The following DNAJC18 variants were observed in gnomAD, a reference collection of about 807,000 sequenced individuals.
DNAJC18 encodes DnaJ heat shock protein family (Hsp40) member C18.
In DNAJC18, 40 loss-of-function variants were observed where a neutral mutation model predicts 48.6. The ratio of observed to expected loss-of-function variants is 0.82; its 90% CI spans 0.64 to 1.07. The LOEUF (loss-of-function observed/expected upper bound fraction) is 1.07. Among genes scored for constraint, DNAJC18 ranks in the 50% least tolerant of loss-of-function variants. The pLI, the probability that DNAJC18 is intolerant of heterozygous loss-of-function variation, is 0.00. For missense variants in DNAJC18, 340 were observed against 427.7 expected (o/e 0.79, Z 1.81); for synonymous variants, 135 against 152.2 (o/e 0.89, Z 0.83).
chr5:139,438,765 G>A (rs1750733644), intron 1 of DNAJC18, among the ~76,000 whole-genome samples: 1 of 152,176 alleles, frequency 6.6e-6, no homozygotes, highest in Non-Finnish European at 1.5e-5. Context: ...TAGGTACCTT[G>A]TAAGTGTGCT....
intron 5 of DNAJC18, 87 bp downstream of exon 5, chr5:139,424,918 T>C (rs1759211576): frequency 9.0e-7 from 1 of 1,116,508 alleles, no homozygotes. Flanking sequence ...ATATCTCAGG[T>C]TCAACTTCTA....
In DNAJC18 at chr5:139,412,670, C is replaced by T. The variant is rs1759011018; in HGVS notation, c.*1478G>A. On this transcript the variant is annotated 3_prime_UTR_variant, in exon 8 of 8. Coordinates refer to ENST00000302060, the MANE Select transcript of DNAJC18 (RefSeq NM_152686.4). ...AGTCATGATAATTCAGGCAGCTCAG[C>T]TCCACAGGAAGGCCCAGAACCACAC... is the stretch of plus-strand genomic sequence containing the variant. 2 of 398,696 alleles carry T rather than the reference C, an allele frequency of 5.0e-6. No homozygotes were observed. Among genetic ancestry groups the T allele is most frequent in the Non-Finnish European group, 8.8e-6 (2 of 226,134 alleles). 24.7% of individuals were successfully genotyped at this position (398,696 alleles called of 1,614,324 possible). A position where few individuals can be genotyped will look rare whatever the true frequency, so the allele number is the denominator to read the frequency against.
In DNAJC18 at chr5:139,414,162, G is replaced by T. The variant is rs369684305; in HGVS notation, c.1063C>A (p.Arg355Ser). 2.5e-6 allele frequency: 4 copies of T among 1,612,522 alleles called. No homozygotes were observed. In the Admixed American group the frequency reaches 6.7e-5, roughly 27 times the overall value. Residue 355 changes from arginine to serine, a missense_variant, in exon 8 of 8, where the codon CGC becomes AGC. Arg to Ser is a moderately radical substitution (Grantham distance 110, BLOSUM62 -1). Transcript: ENST00000302060. ...CCATTATCCTCTCAGCCACCTCTGC[G>T]TAGGCCAATGAGTTTGGAAAGTTTC... Reference protein sequence around the residue: ...CEKLSKLIGLRRGG With the variant: ...CEKLSKLIGLSRGG
At chr5:139,419,966 CAAG>C in intron 7 of DNAJC18, 84 bp downstream of exon 7, 1 of 1,330,092 alleles carries the variant, frequency 7.5e-7, no homozygotes, top group Non-Finnish European at 1.0e-6. Context: ...TAGCCTCAAA[CAAG>C]AAGAGAGGAG....
chr5:139,417,138 C>T (rs1039231174), intron 7 of DNAJC18, among the ~76,000 whole-genome samples: 3 of 148,594 alleles, frequency 2.0e-5, no homozygotes, highest in South Asian at 2.1e-4. Flanking sequence ...TGCAGTGCGC[C>T]GAGATTGCAT....
chr5:139,439,468 C>G lies in DNAJC18; in HGVS notation c.-23G>C. 1.2e-6 allele frequency: 2 copies of G among 1,613,860 alleles called. No homozygotes were observed. The highest frequency in any genetic ancestry group is 8.5e-7 in the Non-Finnish European group (1 of 1,179,940). On this transcript the variant is annotated 5_prime_UTR_variant, in exon 1 of 8. Coordinates refer to ENST00000302060, the MANE Select transcript of DNAJC18 (RefSeq NM_152686.4). This position sits in a 1 kb window ranked among gnomAD's most constrained non-coding sequence, Gnocchi z 4.1. ...CATATCGGTTCCCAATCAGCAGGTC[C>G]GCCGAGCCTCCCCCGTGCCCGAGGC...
chr5:139,416,910 C>T (rs1759076628), intron 7 of DNAJC18, among the ~76,000 whole-genome samples: 1 of 152,170 alleles, frequency 6.6e-6, no homozygotes, highest in Admixed American at 6.5e-5. Context: ...CCAGATTGGC[C>T]GGGTGTGGTG....
chr5:139,433,169 G>T (rs1759356018), intron 2 of DNAJC18, among the ~76,000 whole-genome samples: 2 of 152,160 alleles, frequency 1.3e-5, no homozygotes, highest in African/African-American at 4.8e-5. Flanking sequence ...AGATGAAAAG[G>T]TATTTTGCAA....
At chr5:139,428,789 C>T in intron 2 of DNAJC18, 106 bp from the exon 3 acceptor site, 3 of 1,370,130 alleles carry the variant, frequency 2.2e-6, no homozygotes, top group Non-Finnish European at 2.9e-6. Context: ...CAAAACAAAC[C>T]TATAAGAAAA....
chr5:139,437,774 G>C (rs1054571363), intron 1 of DNAJC18, among the ~76,000 whole-genome samples: 9 of 152,174 alleles, frequency 5.9e-5, no homozygotes, highest in Admixed American at 6.5e-5. Flanking sequence ...TCGTAAAATA[G>C]TATTTTTTGT....
In DNAJC18 at chr5:139,426,367, AC is replaced by A. The variant is rs778177546; in HGVS notation, c.374-11del. The A allele has an allele frequency of 3.7e-6, 6 of 1,613,490 alleles. No individual in the cohort carries two copies. The East Asian group carries it at 1.3e-4, about 36-fold the overall frequency. On this transcript the variant is annotated splice_polypyrimidine_tract_variant and intron_variant, in intron 3 of 7. Coordinates refer to ENST00000302060, the MANE Select transcript of DNAJC18 (RefSeq NM_152686.4). ...AATGCATTTCCTATTGCTGCAACCA[AC>A]AAGAACCAGCACATGAGGACACAGT... is the stretch of plus-strand genomic sequence containing the variant.
At chr5:139,432,418 C>T (rs1759344016) in intron 2 of DNAJC18, among the ~76,000 whole-genome samples, 1 of 152,244 alleles carries the variant, frequency 6.6e-6, no homozygotes, top group South Asian at 2.1e-4. Flanking sequence ...CTGCCTTGGC[C>T]TCCCAAAGTG....
chr5:139,412,375 C>G lies in DNAJC18; in HGVS notation c.*1773G>C, dbSNP rs1759007477. 4.9e-6 allele frequency: 1 copy of G among 202,088 alleles called. No homozygotes were observed. The highest frequency in any genetic ancestry group is 1.9e-4 in the South Asian group (1 of 5,264). 12.5% of individuals were successfully genotyped at this position (202,088 alleles called of 1,614,324 possible). A position where few individuals can be genotyped will look rare whatever the true frequency, so the allele number is the denominator to read the frequency against. ...TTGCAAGTTGCAGCGATTCTCATGC[C>G]TCAGCCTCCCGAGTAGCTGGGACTA... On this transcript the variant is annotated 3_prime_UTR_variant, in exon 8 of 8. Coordinates refer to ENST00000302060, the MANE Select transcript of DNAJC18 (RefSeq NM_152686.4).
Position 139,422,736 on chromosome 5 carries a change from T to G in DNAJC18, c.751A>C (p.Asn251His). ...TTATAGAACAGACTATATGGGGGAT[T>G]AGTAGCCAGCAGCTGAGTAATGACA... ...ISVITQLLAT[N>H]PPYSLFYKST... is the part of the protein sequence containing the mutation. The change falls in exon 6 of 8, where the codon AAT (asparagine) becomes CAT (histidine). Residue 251 changes from asparagine (N) to histidine (H), a missense_variant. By Grantham distance (68) the Asn-to-His change is moderately conservative. Coordinates refer to ENST00000302060, the MANE Select transcript of DNAJC18 (RefSeq NM_152686.4). 6.2e-7 allele frequency: 1 copy of G among 1,609,866 alleles called. No homozygotes were observed. The highest frequency in any genetic ancestry group is 8.5e-7 in the Non-Finnish European group (1 of 1,178,442).
chr5:139,424,476 C>T (rs1215266444), intron 5 of DNAJC18, among the ~76,000 whole-genome samples: 1 of 152,022 alleles, frequency 6.6e-6, no homozygotes, highest in Non-Finnish European at 1.5e-5. Flanking sequence ...GCCTGTAATC[C>T]TAGCACTTTG....
intron 4 of DNAJC18, among the ~76,000 whole-genome samples, chr5:139,425,471 G>A (rs1011698121): frequency 4.6e-5 from 7 of 152,166 alleles, no homozygotes; most frequent in Admixed American, 2.6e-4. Flanking sequence ...ACCCTTCCTT[G>A]CCTTTTTCAA....
At chr5:139,418,535 A>G (rs1759103648) in intron 7 of DNAJC18, among the ~76,000 whole-genome samples, 2 of 152,162 alleles carry the variant, frequency 1.3e-5, no homozygotes, top group South Asian at 4.2e-4. Context: ...AATGGGGTAG[A>G]GTATTTCCTG....
At chr5:139,421,619 A>C (rs1461399671) in intron 6 of DNAJC18, among the ~76,000 whole-genome samples, 1 of 152,138 alleles carries the variant, frequency 6.6e-6, no homozygotes, top group Non-Finnish European at 1.5e-5. Context: ...CAGCCTGGCC[A>C]ACATAGTGAA....
At chr5:139,417,044 G>T (rs1207813578) in intron 7 of DNAJC18, among the ~76,000 whole-genome samples, 7 of 152,052 alleles carry the variant, frequency 4.6e-5, no homozygotes, top group African/African-American at 1.7e-4. Flanking sequence ...ACAAAAATTA[G>T]CCAGGCACGG....
Sources: gnomAD v4.1 joint callset for allele counts (sites outside exome capture counted in the v4.1 genomes callset) on GRCh38, gnomAD v4.1.1 for gene constraint, Gnocchi (gnomAD v3.1) non-coding constraint, MANE v1.5 for transcripts, NCBI Gene and HGNC (gene_info 2026-07-23, HGNC 2026-07-21) for gene names.